CLASP1: variants seen among roughly 807,000 people sequenced by gnomAD.
CLASP1 encodes the protein CLIP-associating protein 1.
CLASP1 carries 38 observed loss-of-function variants against 192.3 expected under a neutral mutation model. The observed-to-expected ratio is 0.20, with a 90% CI of 0.15 to 0.26. The LOEUF (loss-of-function observed/expected upper bound fraction) is 0.26. Ranked by LOEUF, CLASP1 falls within the 10% of genes least tolerant of loss-of-function variation. CLASP1 has a pLI of 1.00. For synonymous variants in CLASP1, 691 were observed against 712.8 expected (o/e 0.97, Z 0.49); for missense variants, 1,433 against 1,932.5 (o/e 0.74, Z 4.85).
intron 24 of CLASP1, chr2:121,407,918 A>C: frequency 1.4e-6 from 1 of 721,660 alleles, no homozygotes; most frequent in Non-Finnish European, 2.5e-6. Context: ...AGCACTCTGT[A>C]GTAGAAGGGA....
intron 8 of CLASP1, among the ~76,000 whole-genome samples, chr2:121,496,975 G>A (rs2093560536): frequency 6.6e-6 from 1 of 152,080 alleles, no homozygotes; most frequent in Admixed American, 6.6e-5. Flanking sequence ...GCCAAGCACA[G>A]AAAGACAAAC....
chr2:121,624,280 T>C (rs950952606), intron 1 of CLASP1, among the ~76,000 whole-genome samples: 3 of 152,236 alleles, frequency 2.0e-5, no homozygotes, highest in African/African-American at 7.2e-5. Flanking sequence ...TTTATAGCTA[T>C]AAATTTCCTT....
chr2:121,449,796 T>G (rs1168603840), intron 16 of CLASP1, among the ~76,000 whole-genome samples: 2 of 152,204 alleles, frequency 1.3e-5, no homozygotes, highest in African/African-American at 4.8e-5. Flanking sequence ...ATAATTTAAC[T>G]GTGAAGGCAG....
chr2:121,616,362 G>C (rs1026523611), intron 1 of CLASP1, among the ~76,000 whole-genome samples: 1 of 152,068 alleles, frequency 6.6e-6, no homozygotes, highest in African/African-American at 2.4e-5. Context: ...CAATAGAATC[G>C]CTTGAACCTG....
chr2:121,526,348 GA>G (rs1398755099), intron 5 of CLASP1, among the ~76,000 whole-genome samples: 1 of 152,222 alleles, frequency 6.6e-6, no homozygotes, highest in Non-Finnish European at 1.5e-5. Context: ...ACCGCTGGAT[GA>G]AAAGACTGCA....
intron 2 of CLASP1, among the ~76,000 whole-genome samples, chr2:121,572,045 G>T (rs779753735): frequency 6.6e-6 from 1 of 152,070 alleles, no homozygotes; most frequent in Non-Finnish European, 1.5e-5. Flanking sequence ...GCTTCAAAAG[G>T]CTAAGGAAGA....
Position 121,388,214 on chromosome 2 carries a change from T to C in CLASP1, c.3124-308A>G, listed in dbSNP as rs1055973790. 13 of 222,916 alleles carry C rather than the reference T, an allele frequency of 5.8e-5. 1 individual carries two copies. Among genetic ancestry groups the C allele is most frequent in the South Asian group, 2.7e-4 (3 of 11,150 alleles). 13.8% of individuals were successfully genotyped at this position (222,916 alleles called of 1,614,324 possible). On this transcript the variant is annotated intron_variant, in intron 30 of 39. Transcript: ENST00000263710. Reference sequence around the variant, plus strand: ...GAATGAAGCTGGTTAAGTAGGTAAATGAAACAATTAAAAAATTTTAAAAAG... The same window carrying C: ...GAATGAAGCTGGTTAAGTAGGTAAACGAAACAATTAAAAAATTTTAAAAAG...
intron 1 of CLASP1, among the ~76,000 whole-genome samples, chr2:121,614,719 CA>C (rs1254610189): frequency 1.3e-5 from 2 of 152,072 alleles, no homozygotes; most frequent in Non-Finnish European, 2.9e-5. Flanking sequence ...ATCAATTTAT[CA>C]AATATAAAAT....
At chr2:121,429,180 T>G (rs2080949164) in intron 20 of CLASP1, among the ~76,000 whole-genome samples, 1 of 152,098 alleles carries the variant, frequency 6.6e-6, no homozygotes, top group Non-Finnish European at 1.5e-5. Context: ...ACAAGGCCAT[T>G]TTCTATACTA....
chr2:121,563,833 T>C (rs1437711769), intron 2 of CLASP1, among the ~76,000 whole-genome samples: 6 of 152,244 alleles, frequency 3.9e-5, no homozygotes, highest in Non-Finnish European at 4.4e-5. Context: ...ATGCTGCTGA[T>C]AAAGACATAT....
intron 7 of CLASP1, among the ~76,000 whole-genome samples, chr2:121,509,883 C>A (rs186536676): frequency 5.9e-5 from 9 of 152,084 alleles, no homozygotes; most frequent in African/African-American, 1.2e-4. Context: ...ATGACTGAAA[C>A]CATACAAATT....
intron 2 of CLASP1, among the ~76,000 whole-genome samples, chr2:121,546,073 T>C (rs1266667689): frequency 6.6e-6 from 1 of 152,148 alleles, no homozygotes; most frequent in African/African-American, 2.4e-5. Context: ...AACCATGGAT[T>C]TCAAGGCCCT....
chr2:121,519,477 C>T (rs866631762), intron 6 of CLASP1, among the ~76,000 whole-genome samples: 1 of 152,172 alleles, frequency 6.6e-6, no homozygotes, highest in Non-Finnish European at 1.5e-5. Context: ...TTTACCAGGC[C>T]TTCTACCCTT....
chr2:121,644,450 G>A lies in CLASP1; in HGVS notation c.-286+4922C>T, dbSNP rs112273726. On this transcript the variant is annotated intron_variant, in intron 1 of 39. Coordinates refer to ENST00000263710, the Ensembl canonical transcript of CLASP1. ...AGATCACCTGAGGTCAGGAGTTTGA[G>A]ATCAGCCTGGCCCAACATGGTAAAA... Among the ~76,000 whole-genome samples, 169 of 152,066 alleles carry A rather than the reference G, an allele frequency of 1.1e-3. 2 individuals are homozygous for A. Among genetic ancestry groups the A allele is most frequent in the African/African-American group, 3.8e-3 (159 of 41,498 alleles).
At chr2:121,553,263 T>C (rs922899027) in intron 2 of CLASP1, among the ~76,000 whole-genome samples, 9 of 152,116 alleles carry the variant, frequency 5.9e-5, no homozygotes, top group Non-Finnish European at 1.2e-4. Context: ...ACCTGGGTGA[T>C]GAAATAATCT....
At chr2:121,382,303 G>A (rs753824749) in exon 33 of CLASP1, 10 of 1,583,954 alleles carry the variant, frequency 6.3e-6, no homozygotes, top group Middle Eastern at 1.7e-4. Flanking sequence ...CTAACCCGTC[G>A]GCACTCCAAC....
intron 2 of CLASP1, among the ~76,000 whole-genome samples, chr2:121,554,315 C>T (rs909596173): frequency 5.3e-5 from 8 of 151,918 alleles, no homozygotes; most frequent in African/African-American, 1.2e-4. Flanking sequence ...ATGTGAAGTA[C>T]GATAAATCAG....
intron 2 of CLASP1, among the ~76,000 whole-genome samples, chr2:121,552,794 G>A (rs922758683): frequency 4.6e-5 from 7 of 152,198 alleles, no homozygotes; most frequent in Non-Finnish European, 4.4e-5. Flanking sequence ...ATTCCTCAAA[G>A]AGCTAGAAGC....
At chr2:121,488,018 T>G (rs540585517) in intron 8 of CLASP1, among the ~76,000 whole-genome samples, 4 of 152,306 alleles carry the variant, frequency 2.6e-5, no homozygotes, top group Admixed American at 2.6e-4. Flanking sequence ...TTTTGCTTTT[T>G]CTTTGATTTT....
Sources: allele counts gnomAD v4.1 joint callset (sites outside exome capture counted in the v4.1 genomes callset), GRCh38; gene constraint gnomAD v4.1.1; transcripts MANE v1.5; gene names NCBI Gene and HGNC (gene_info 2026-07-23, HGNC 2026-07-21).